FER: variants seen among roughly 807,000 people sequenced by gnomAD.
FER encodes the protein FER tyrosine kinase, also known as tyrosine-protein kinase Fer.
Under a neutral mutation model 111.0 loss-of-function variants are expected in FER, and 63 were observed. The ratio of observed to expected loss-of-function variants is 0.57; its 90% CI spans 0.46 to 0.70. The LOEUF is 0.70. Ranked by LOEUF, FER falls within the 30% of genes least tolerant of loss-of-function variation. The probability of loss-of-function intolerance (pLI) is 0.00; values close to 1 mark genes in which losing one functional copy is unlikely to be tolerated. For missense variants in FER, 914 were observed against 954.0 expected, an observed-to-expected ratio of 0.96 and a Z score of 0.55; for synonymous variants, 327 against 313.9, an observed-to-expected ratio of 1.04 and a Z score of -0.44.
chr5:109,091,850 G>A lies in FER; in HGVS notation c.1925-8546G>A, dbSNP rs115016340. Among the ~76,000 whole-genome samples, 869 of 152,134 alleles carry A rather than the reference G, an allele frequency of 5.7e-3. 14 individuals are homozygous for A. The highest frequency in any genetic ancestry group is 0.02 in the African/African-American group (823 of 41,488). On this transcript the variant is annotated intron_variant, in intron 16 of 19. Coordinates refer to ENST00000281092, the MANE Select transcript of FER (RefSeq NM_005246.4). The stretch of plus-strand genomic sequence containing the variant: ...CAATGTGATAATATTAAGAGGTGGG[G>A]CCTTCAGAGGTGAATAAATAAAGAG...
At chr5:108,946,098 G>C (rs368371258) in intron 10 of FER, 32 bp from the exon 11 acceptor site, 6 of 1,500,988 alleles carry the variant, frequency 4.0e-6, no homozygotes, top group Non-Finnish European at 5.6e-6. Context: ...ATAGTTTACT[G>C]TTGCTGAAGG....
chr5:109,061,061 C>A (rs977803088), intron 16 of FER, among the ~76,000 whole-genome samples: 2 of 152,132 alleles, frequency 1.3e-5, no homozygotes, highest in Non-Finnish European at 2.9e-5. Flanking sequence ...CACAGTTTGT[C>A]TTCAGTTCTT....
intron 16 of FER, among the ~76,000 whole-genome samples, chr5:109,057,069 A>C (rs953915469): frequency 6.6e-6 from 1 of 152,174 alleles, no homozygotes; most frequent in African/African-American, 2.4e-5. Flanking sequence ...TGGACATAGT[A>C]TATCTCTGTA....
intron 15 of FER, among the ~76,000 whole-genome samples, chr5:109,045,158 C>T (rs1204891840): frequency 6.6e-6 from 1 of 151,856 alleles, no homozygotes; most frequent in Non-Finnish European, 1.5e-5. Context: ...TTACATCTGT[C>T]CTACCCTCCT....
chr5:108,963,591 G>A (rs540287718), intron 13 of FER, among the ~76,000 whole-genome samples: 56 of 152,038 alleles, frequency 3.7e-4, no homozygotes, highest in Non-Finnish European at 4.3e-4. Flanking sequence ...AAAACAAAAT[G>A]TACGTTAGAT....
intron 17 of FER, among the ~76,000 whole-genome samples, chr5:109,144,148 C>T (rs918143687): frequency 1.3e-5 from 2 of 152,128 alleles, no homozygotes; most frequent in African/African-American, 4.8e-5. Flanking sequence ...AGAGAGCTCT[C>T]TGGACTCTGA....
At chr5:108,864,943 T>A in intron 5 of FER, among the ~76,000 whole-genome samples, 1 of 151,918 alleles carries the variant, frequency 6.6e-6, no homozygotes, top group African/African-American at 2.4e-5. Context: ...ATAAATTACC[T>A]TGGGCAGTAT....
At chr5:108,946,080 C>A in intron 10 of FER, 50 bp from the exon 11 acceptor site, 2 of 1,248,798 alleles carry the variant, frequency 1.6e-6, no homozygotes, top group Non-Finnish European at 1.2e-6. Context: ...AATGTCTATA[C>A]ATATTGGATA....
At chr5:108,923,369 A>C (rs1486345291) in intron 10 of FER, among the ~76,000 whole-genome samples, 1 of 152,122 alleles carries the variant, frequency 6.6e-6, no homozygotes, top group African/African-American at 2.4e-5. Flanking sequence ...ATTGCATCTA[A>C]TTATAAAGGG....
chr5:108,807,290 T>A (rs566078567), intron 3 of FER, among the ~76,000 whole-genome samples: 106 of 152,330 alleles, frequency 7.0e-4, no homozygotes, highest in Non-Finnish European at 1.2e-3. Flanking sequence ...AATTGCCCTG[T>A]CTCAGGTATG....
chr5:108,839,309 G>T (rs1760996144), intron 5 of FER, among the ~76,000 whole-genome samples: 1 of 152,176 alleles, frequency 6.6e-6, no homozygotes, highest in African/African-American at 2.4e-5. Context: ...ATAGTTTGGG[G>T]CTAGCCAAAA....
intron 13 of FER, among the ~76,000 whole-genome samples, chr5:108,965,173 T>G (rs902605855): frequency 5.9e-5 from 9 of 152,192 alleles, no homozygotes; most frequent in Non-Finnish European, 1.2e-4. Flanking sequence ...AATGTTCTTT[T>G]TAGGAAATTT....
Position 109,143,723 on chromosome 5 carries a change from T to TTTTGTTTTG in FER, c.2049-37021_2049-37020insGTTTTGTTT, listed in dbSNP as rs370029817. On this transcript the variant is annotated intron_variant, in intron 17 of 19. Transcript: ENST00000281092. ...TTTTTGTTTTGTTTTGTTTTGTTTT[T>TTTTGTTTTG]TTTTGAAAGTCTTGCTGTGTGGCCC... Among the ~76,000 whole-genome samples, 698 of 151,494 alleles carry TTTTGTTTTG rather than the reference T, an allele frequency of 4.6e-3. 2 individuals are homozygous for TTTTGTTTTG. The highest frequency in any genetic ancestry group is 7.5e-3 in the South Asian group (36 of 4,808).
At chr5:109,044,634 A>G (rs748928334) in intron 14 of FER, 46 bp from the exon 15 acceptor site, 3 of 973,966 alleles carry the variant, frequency 3.1e-6, no homozygotes, top group East Asian at 5.1e-5. Flanking sequence ...GCAAAGATAT[A>G]CATGCTGTCA....
At chr5:108,958,370 A>G (rs1478812075) in intron 12 of FER, among the ~76,000 whole-genome samples, 1 of 151,750 alleles carries the variant, frequency 6.6e-6, no homozygotes, top group Non-Finnish European at 1.5e-5. Context: ...GGGTATGAGA[A>G]CTAGCAGTTG....
chr5:108,944,121 A>T (rs1756652498), intron 10 of FER, among the ~76,000 whole-genome samples: 1 of 151,872 alleles, frequency 6.6e-6, no homozygotes, highest in South Asian at 2.1e-4. Flanking sequence ...ACACACACAC[A>T]CACACACACA....
At chr5:109,068,992 A>T (rs1288140023) in intron 16 of FER, among the ~76,000 whole-genome samples, 1 of 152,178 alleles carries the variant, frequency 6.6e-6, no homozygotes, top group African/African-American at 2.4e-5. Context: ...CCAAATGTTA[A>T]CTAACTAATT....
chr5:108,989,786 T>TA (rs763281193), intron 13 of FER, among the ~76,000 whole-genome samples: 1 of 152,012 alleles, frequency 6.6e-6, no homozygotes, highest in Non-Finnish European at 1.5e-5. Flanking sequence ...ATTTCCTTTA[T>TA]AAAAATCGTA....
intron 17 of FER, among the ~76,000 whole-genome samples, chr5:109,149,476 T>G (rs1449124972): frequency 6.6e-6 from 1 of 152,218 alleles, no homozygotes; most frequent in Non-Finnish European, 1.5e-5. Flanking sequence ...CTCAATTTCT[T>G]TATTTTGAAC....
Sources: allele counts gnomAD v4.1 joint callset (sites outside exome capture counted in the v4.1 genomes callset), GRCh38; gene constraint gnomAD v4.1.1; transcripts MANE v1.5; gene names NCBI Gene and HGNC (gene_info 2026-07-23, HGNC 2026-07-21).